The following WDR47 variants were observed in gnomAD, a reference collection of about 807,000 sequenced individuals.
WDR47 encodes the protein WD repeat-containing protein 47.
A neutral mutation model predicts 97.2 loss-of-function variants in WDR47; 32 were observed. The observed-to-expected ratio is 0.33, with a 90% CI of 0.25 to 0.44. WDR47 has a LOEUF of 0.44. WDR47 is among the 20% of genes least tolerant of loss of function. The probability of loss-of-function intolerance (pLI) is 1.00; values close to 1 mark genes in which losing one functional copy is unlikely to be tolerated. For synonymous variants in WDR47, 375 were observed against 373.5 expected, an observed-to-expected ratio of 1.00 and a Z score of -0.05; for missense variants, 782 against 1,102.3, an observed-to-expected ratio of 0.71 and a Z score of 4.11.
chr1:108,980,464 C>A (rs892631345), intron 13 of WDR47, among the ~76,000 whole-genome samples: 1 of 152,170 alleles, frequency 6.6e-6, no homozygotes, highest in Non-Finnish European at 1.5e-5. Context: ...CGTGGTAGCT[C>A]ACACCTGTAA....
chr1:109,018,328 A>G (rs1424732059), intron 2 of WDR47, among the ~76,000 whole-genome samples: 2 of 151,616 alleles, frequency 1.3e-5, no homozygotes, highest in South Asian at 2.1e-4. Context: ...GGGCGCCCGT[A>G]ATCCCAGCTA....
At chr1:108,989,420 G>A (rs542465748) in intron 9 of WDR47, among the ~76,000 whole-genome samples, 3 of 152,288 alleles carry the variant, frequency 2.0e-5, no homozygotes, top group Non-Finnish European at 2.9e-5. Flanking sequence ...GGAGTAGGGG[G>A]GCAAACCTGA....
chr1:109,032,699 C>A lies in WDR47; in HGVS notation c.-10+9163G>T, dbSNP rs186413853. Among the ~76,000 whole-genome samples, 151 of 151,564 alleles carry A rather than the reference C, an allele frequency of 1.0e-3. 1 individual carries two copies. Among genetic ancestry groups the A allele is most frequent in the Admixed American group, 2.6e-3 (39 of 15,198 alleles). ...ATCACTTGAGGTCAGGAGTTCAAGA[C>A]CAGCCTGGCCAACGTGGCAAAACCC... On this transcript the variant is annotated intron_variant, in intron 1 of 14. Coordinates refer to ENST00000369962, the MANE Select transcript of WDR47 (RefSeq NM_001142551.2).
At chr1:108,981,571 G>C (rs1221670410) in intron 13 of WDR47, among the ~76,000 whole-genome samples, 162 bp downstream of exon 13, 1 of 152,016 alleles carries the variant, frequency 6.6e-6, no homozygotes, top group Non-Finnish European at 1.5e-5. Context: ...TTACAAATAA[G>C]GTAACAAATG....
At chr1:109,033,273 C>G (rs535420767) in intron 1 of WDR47, among the ~76,000 whole-genome samples, 3 of 151,796 alleles carry the variant, frequency 2.0e-5, no homozygotes, top group African/African-American at 7.3e-5. Context: ...CCAGCTTGGG[C>G]GACAGAATGA....
chr1:108,994,081 G>A (rs1227741766), intron 8 of WDR47, among the ~76,000 whole-genome samples: 1 of 152,130 alleles, frequency 6.6e-6, no homozygotes, highest in African/African-American at 2.4e-5. Context: ...GAGGAGTATG[G>A]TAGAGAATCA....
At chr1:109,038,585 A>G (rs1663121304) in intron 1 of WDR47, among the ~76,000 whole-genome samples, 2 of 135,426 alleles carry the variant, frequency 1.5e-5, no homozygotes, top group Non-Finnish European at 3.3e-5. Context: ...AGGCTGAGGT[A>G]GGAGGATCAC....
chr1:108,995,718 G>A lies in WDR47; in HGVS notation c.1553C>T (p.Thr518Ile). 1 of 1,614,124 alleles carries A rather than the reference G, an allele frequency of 6.2e-7. No homozygotes were observed. ...KGNGSNGSSV[T>I]SFTTPPQDSS... is the part of the protein sequence containing the mutation. ...GTCTTGGGGTGGTGTAGTAAAACTAGTCACAGAAGAACCATTAGATCCATT... is the reference window on the plus strand; with the variant it reads ...GTCTTGGGGTGGTGTAGTAAAACTAATCACAGAAGAACCATTAGATCCATT... Residue 518 changes from threonine to isoleucine, a missense_variant, in exon 8 of 15, where the codon ACT (threonine) becomes ATT (isoleucine). Physicochemically the swap from Thr to Ile is moderately conservative, Grantham distance 89. This residue lies in a region of WDR47 where 126 missense variants were observed against 121.3 expected (regional missense o/e 1.04). Coordinates refer to ENST00000369962, the MANE Select transcript of WDR47 (RefSeq NM_001142551.2).
intron 1 of WDR47, among the ~76,000 whole-genome samples, chr1:109,025,702 C>G (rs1662165074): frequency 6.6e-6 from 1 of 152,018 alleles, no homozygotes; most frequent in South Asian, 2.1e-4. Context: ...CCACTGCACT[C>G]CAGCCTGGGC....
At chr1:109,023,835 T>C (rs1270268769) in intron 1 of WDR47, among the ~76,000 whole-genome samples, 1 of 152,196 alleles carries the variant, frequency 6.6e-6, no homozygotes, top group Non-Finnish European at 1.5e-5. Context: ...AGAATGATTA[T>C]GGTTACTGAA....
At chr1:109,032,952 A>G (rs888391432) in intron 1 of WDR47, among the ~76,000 whole-genome samples, 2 of 152,086 alleles carry the variant, frequency 1.3e-5, no homozygotes, top group Non-Finnish European at 2.9e-5. Context: ...GCCACAAACA[A>G]TTATGTTAAA....
At chr1:109,002,038 G>A (rs545115358) in intron 7 of WDR47, among the ~76,000 whole-genome samples, 186 bp downstream of exon 7, 1 of 152,242 alleles carries the variant, frequency 6.6e-6, no homozygotes, top group Non-Finnish European at 1.5e-5. Context: ...AGTTGCTTAG[G>A]GAATAAGGAC....
chr1:108,977,065 G>A (rs1657959178), intron 13 of WDR47, among the ~76,000 whole-genome samples: 1 of 152,188 alleles, frequency 6.6e-6, no homozygotes, highest in Non-Finnish European at 1.5e-5. Flanking sequence ...TGGTAAGGAA[G>A]CTATTGCTGT....
Position 108,971,570 on chromosome 1 carries a change from C to G in WDR47, c.2620G>C (p.Asp874His). ...MKIKVTDLQG[D>H]LTKQLPIMVV... ...ATGATAGGAAGCTGCTTGGTGAGGT[C>G]CCCTAAATTACAAAAGAGATGTTGA... The change falls in exon 15 of 15, where the codon GAC becomes CAC. Residue 874 changes from aspartate to histidine, a missense_variant and splice_region_variant. This residue lies in a region of WDR47 where 228 missense variants were observed against 396.7 expected (regional missense o/e 0.57). Coordinates refer to ENST00000369962, the MANE Select transcript of WDR47 (RefSeq NM_001142551.2). The G allele has an allele frequency of 6.2e-7, 1 of 1,613,934 alleles. No homozygotes were observed. The highest frequency in any genetic ancestry group is 8.5e-7 in the Non-Finnish European group (1 of 1,179,970).
intron 1 of WDR47, among the ~76,000 whole-genome samples, chr1:109,027,799 G>A (rs1247276261): frequency 2.0e-5 from 3 of 152,130 alleles, no homozygotes; most frequent in African/African-American, 7.2e-5. Flanking sequence ...TGGGATTACA[G>A]GCATGAGCCA....
chr1:109,009,944 G>A (rs1444566518), intron 5 of WDR47, among the ~76,000 whole-genome samples: 1 of 151,898 alleles, frequency 6.6e-6, no homozygotes, highest in Non-Finnish European at 1.5e-5. Context: ...GTTGCAGTGA[G>A]CCGAGACCGT....
At chr1:109,025,247 G>T (rs973845973) in intron 1 of WDR47, among the ~76,000 whole-genome samples, 1 of 151,586 alleles carries the variant, frequency 6.6e-6, no homozygotes, top group Non-Finnish European at 1.5e-5. Flanking sequence ...AGACAAGCCT[G>T]GGCAACATGG....
rs779910866 is a variant in WDR47 at position 108,991,269 on chromosome 1, C to T, written c.1752G>A (p.Arg584=). The change falls in exon 9 of 15, where the codon AGG becomes AGA. Residue 584 remains arginine, a synonymous_variant. Coordinates refer to ENST00000369962, the MANE Select transcript of WDR47 (RefSeq NM_001142551.2). The part of the protein sequence containing the change: ...PLGDSPGSLS[R]SKGEEDDKSK... Reference sequence around the variant, plus strand: ...AAAGTATTACCTCTTCCCCTTTCGACCTTGAAAGACTCCCTGGAGAATCTC... The same window carrying T: ...AAAGTATTACCTCTTCCCCTTTCGATCTTGAAAGACTCCCTGGAGAATCTC... The T allele has an allele frequency of 6.8e-6, 11 of 1,613,208 alleles. No homozygotes were observed. Among genetic ancestry groups the T allele is most frequent in the East Asian group, 2.2e-5 (1 of 44,854 alleles).
At chr1:109,012,145 T>C (rs1415417088) in intron 4 of WDR47, among the ~76,000 whole-genome samples, 1 of 152,120 alleles carries the variant, frequency 6.6e-6, no homozygotes, top group Non-Finnish European at 1.5e-5. Context: ...GGTAAGAATT[T>C]TTTTTCTAGA....
Sources: allele counts gnomAD v4.1 joint callset (sites outside exome capture counted in the v4.1 genomes callset), GRCh38; gene constraint gnomAD v4.1.1; regional missense constraint gnomAD v4.1.1; transcripts MANE v1.5; gene names NCBI Gene and HGNC (gene_info 2026-07-23, HGNC 2026-07-21).